MUSK: variants seen among roughly 807,000 people sequenced by gnomAD.
The protein encoded by MUSK is muscle, skeletal receptor tyrosine-protein kinase.
In MUSK, 55 loss-of-function variants were observed where a neutral mutation model predicts 88.7. That is an observed-to-expected ratio of 0.62 (90% CI 0.50 to 0.78). The LOEUF is 0.78. Ranked by LOEUF, MUSK falls within the 30% of genes least tolerant of loss-of-function variation. The probability of loss-of-function intolerance (pLI) is 0.00; values close to 1 mark genes in which losing one functional copy is unlikely to be tolerated. For missense variants in MUSK, 1,015 were observed against 1,074.3 expected (o/e 0.94, Z 0.77); for synonymous variants, 387 against 391.9 (o/e 0.99, Z 0.15).
At position 110,747,801 on chromosome 9, in the gene MUSK, G is replaced by A; in HGVS notation, c.913+1G>A. 1 of 1,613,634 alleles carries A rather than the reference G, an allele frequency of 6.2e-7. No individual in the cohort carries two copies. Among genetic ancestry groups the A allele is most frequent in the Non-Finnish European group, 8.5e-7 (1 of 1,179,650 alleles). On this transcript the variant is annotated splice_donor_variant, in intron 7 of 14. Transcript: ENST00000374448. LOFTEE classifies it high-confidence loss of function. The stretch of plus-strand genomic sequence containing the variant: ...GCTGCAGCCACCATCAGCATAGCAG[G>A]TAGGATGCCCCTTCACATTTGCGTT...
At chr9:110,774,866 T>TATACACAC (rs371440047) in intron 9 of MUSK, among the ~76,000 whole-genome samples, 21 of 139,042 alleles carry the variant, frequency 1.5e-4, no homozygotes, top group Non-Finnish European at 2.4e-4. Context: ...GGCATATATA[T>TATACACAC]ACACACACAC....
At position 110,805,056 on chromosome 9, in the gene MUSK, A is replaced by G. The variant is rs2078145689; in HGVS notation, c.*4068A>G. 6.6e-6 allele frequency among the ~76,000 whole-genome samples: 1 copy of G among 151,980 alleles called. No homozygotes were observed. The highest frequency in any genetic ancestry group is 1.5e-5 in the Non-Finnish European group (1 of 67,830). On this transcript the variant is annotated 3_prime_UTR_variant, in exon 15 of 15. Coordinates refer to ENST00000374448, the MANE Select transcript of MUSK (RefSeq NM_005592.4). ...TTTTGATGGTTGAATAGTATTATAC[A>G]GATTTATCGTAATTGACATAACTAT...
intron 7 of MUSK, among the ~76,000 whole-genome samples, chr9:110,761,567 CTTTTTTTTTTT>C (rs1168716499): frequency 3.8e-5 from 2 of 52,720 alleles, no homozygotes; most frequent in Non-Finnish European, 7.1e-5. Flanking sequence ...CCACATCTTG[CTTTTTTTTTTT>C]TTTTTTTTTT....
chr9:110,727,212 G>A (rs1021997840), intron 5 of MUSK, among the ~76,000 whole-genome samples: 1 of 151,924 alleles, frequency 6.6e-6, no homozygotes, highest in African/African-American at 2.4e-5. Flanking sequence ...GAATCTAAAT[G>A]AGGAATCACA....
In MUSK at chr9:110,805,279, T is replaced by A. The variant is rs1442501213; in HGVS notation, c.*4291T>A. Among the ~76,000 whole-genome samples the A allele has an allele frequency of 6.6e-6, 1 of 151,832 alleles. No individual in the cohort carries two copies. Among genetic ancestry groups the A allele is most frequent in the Non-Finnish European group, 1.5e-5 (1 of 67,804 alleles). On this transcript the variant is annotated 3_prime_UTR_variant, in exon 15 of 15. Coordinates refer to ENST00000374448, the MANE Select transcript of MUSK (RefSeq NM_005592.4). ...ATATTAAAAAATTACCTTCCTGAAT[T>A]ATTTTATTAACATGTACCTCTCCTA...
intron 9 of MUSK, among the ~76,000 whole-genome samples, chr9:110,769,745 C>A (rs1200526114): frequency 6.6e-6 from 1 of 152,112 alleles, no homozygotes; most frequent in East Asian, 1.9e-4. Context: ...ATGTAACCAG[C>A]AAAATAAAGT....
chr9:110,764,659 G>T (rs1168762927), intron 8 of MUSK, among the ~76,000 whole-genome samples: 1 of 151,448 alleles, frequency 6.6e-6, no homozygotes, highest in Non-Finnish European at 1.5e-5. Context: ...CATCGGTCTT[G>T]TGTGTGCCTT....
At chr9:110,745,738 G>A (rs1003998637) in intron 6 of MUSK, among the ~76,000 whole-genome samples, 1 of 152,146 alleles carries the variant, frequency 6.6e-6, no homozygotes, top group Non-Finnish European at 1.5e-5. Flanking sequence ...TAGAGTCTAG[G>A]TTGCTCATCT....
rs937657147 is a variant in MUSK, at chr9:110,804,389, T to C, written c.*3401T>C. Among the ~76,000 whole-genome samples the C allele has an allele frequency of 1.3e-5, 2 of 152,156 alleles. No individual in the cohort carries two copies. Among genetic ancestry groups the C allele is most frequent in the African/African-American group, 4.8e-5 (2 of 41,464 alleles). ...CTTCTACATTGTACAAGAGATCTCA[T>C]AGCCCTAAACATTTGCTTTCATAGA... On this transcript the variant is annotated 3_prime_UTR_variant, in exon 15 of 15. Transcript: ENST00000374448.
At position 110,681,615 on chromosome 9, in the gene MUSK, C is replaced by T. The variant is rs78366323; in HGVS notation, c.80-1059C>T. 2.3e-3 allele frequency among the ~76,000 whole-genome samples: 343 copies of T among 152,072 alleles called. 2 individuals are homozygous for T. The highest frequency in any genetic ancestry group is 7.9e-3 in the African/African-American group (328 of 41,478). ...AAGTGGAAGGAGATGGATGCTTAAA[C>T]TGAATCGTAAAAGACAAAATAACAT... On this transcript the variant is annotated intron_variant, in intron 1 of 14. Coordinates refer to ENST00000374448, the MANE Select transcript of MUSK (RefSeq NM_005592.4).
chr9:110,713,262 C>CTG (rs2076698057), intron 5 of MUSK, among the ~76,000 whole-genome samples: 1 of 137,636 alleles, frequency 7.3e-6, no homozygotes, highest in South Asian at 2.3e-4. Flanking sequence ...ACCTTTTTTT[C>CTG]TTTTTTTTTT....
rs565084287 is a variant in MUSK, at chr9:110,800,409, C to G, written c.2031C>G (p.Ser677Arg). 2.5e-6 allele frequency: 4 copies of G among 1,613,922 alleles called. No individual in the cohort carries two copies. The highest frequency in any genetic ancestry group is 2.7e-5 in the African/African-American group (2 of 74,994). The change falls in exon 15 of 15, where the codon AGC becomes AGG. Residue 677 changes from serine to arginine, a missense_variant. Transcript: ENST00000374448. ...LRSMSPHTVC[S>R]LSHSDLSMRA... ...GCATGTCCCCTCACACCGTGTGCAG[C>G]CTCAGTCACAGTGACTTGTCTATGA...
chr9:110,710,031 A>G (rs1243296272), intron 5 of MUSK, among the ~76,000 whole-genome samples: 4 of 152,168 alleles, frequency 2.6e-5, no homozygotes, highest in African/African-American at 9.7e-5. Flanking sequence ...TTGAGACCGG[A>G]AACATCTTTT....
At chr9:110,683,107 C>T (rs906040640) in intron 2 of MUSK, among the ~76,000 whole-genome samples, 1 of 151,894 alleles carries the variant, frequency 6.6e-6, no homozygotes, top group African/African-American at 2.4e-5. Flanking sequence ...CACTAAACAT[C>T]CCCTACTCCC....
chr9:110,770,450 A>C (rs1261801282), intron 9 of MUSK, among the ~76,000 whole-genome samples: 1 of 146,524 alleles, frequency 6.8e-6, no homozygotes, highest in Admixed American at 6.9e-5. Context: ...ATTATATATT[A>C]ATTATATAAC....
intron 6 of MUSK, among the ~76,000 whole-genome samples, chr9:110,742,657 G>A (rs1166579888): frequency 6.6e-6 from 1 of 152,216 alleles, no homozygotes; most frequent in Non-Finnish European, 1.5e-5. Flanking sequence ...GATAGTTTAA[G>A]ATAGTTGAGG....
At chr9:110,766,461 T>C (rs2077487015) in intron 8 of MUSK, among the ~76,000 whole-genome samples, 1 of 152,192 alleles carries the variant, frequency 6.6e-6, no homozygotes, top group African/African-American at 2.4e-5. Flanking sequence ...GTAAAACTCA[T>C]GTTGGCTAAT....
At chr9:110,712,681 C>T (rs1232626793) in intron 5 of MUSK, among the ~76,000 whole-genome samples, 2 of 152,254 alleles carry the variant, frequency 1.3e-5, no homozygotes, top group Middle Eastern at 3.4e-3. Context: ...CTTAGAGGGA[C>T]TTTATTCCAG....
At chr9:110,689,567 T>C (rs2076263764) in intron 3 of MUSK, among the ~76,000 whole-genome samples, 1 of 91,992 alleles carries the variant, frequency 1.1e-5, no homozygotes, top group Non-Finnish European at 1.9e-5. Flanking sequence ...ATATTATATA[T>C]ATTTATATAT....
Sources: gnomAD v4.1 joint callset for allele counts (sites outside exome capture counted in the v4.1 genomes callset) on GRCh38, gnomAD v4.1.1 for gene constraint, MANE v1.5 for transcripts, NCBI Gene and HGNC (gene_info 2026-07-23, HGNC 2026-07-21) for gene names.